The following ZNF512 variants were observed in gnomAD, a reference collection of about 807,000 sequenced individuals.
ZNF512 encodes the protein zinc finger protein 512.
A neutral mutation model predicts 77.5 loss-of-function variants in ZNF512; 25 were observed. That is an observed-to-expected ratio of 0.32 (90% CI 0.23 to 0.45). The LOEUF is 0.45. ZNF512 is among the 20% of genes least tolerant of loss of function. ZNF512 has a pLI of 1.00. For missense variants in ZNF512, 483 were observed against 692.6 expected, an observed-to-expected ratio of 0.70 and a Z score of 3.40; for synonymous variants, 246 against 239.9, an observed-to-expected ratio of 1.03 and a Z score of -0.24.
chr2:27,598,350 C>T (rs1671963586), intron 3 of ZNF512, 96 bp downstream of exon 3: 3 of 1,341,752 alleles, frequency 2.2e-6, no homozygotes, highest in South Asian at 1.4e-5. Flanking sequence ...TAAATGGCGG[C>T]TGAGCGTGGT....
chr2:27,585,933 A>G (rs532634836), intron 2 of ZNF512, among the ~76,000 whole-genome samples: 3 of 152,320 alleles, frequency 2.0e-5, no homozygotes, highest in East Asian at 3.9e-4. Context: ...TGATGGGTAG[A>G]TATTGTAAAA....
At chr2:27,591,137 A>G (rs1377609147) in intron 2 of ZNF512, among the ~76,000 whole-genome samples, 1 of 152,200 alleles carries the variant, frequency 6.6e-6, no homozygotes, top group East Asian at 1.9e-4. Context: ...CCTCAGCTCA[A>G]GGGATCCTCT....
intron 13 of ZNF512, among the ~76,000 whole-genome samples, chr2:27,619,813 A>G (rs1386055265): frequency 2.0e-5 from 3 of 152,210 alleles, no homozygotes; most frequent in Non-Finnish European, 4.4e-5. Flanking sequence ...ATAAAATTTC[A>G]GCTGTAAGTG....
At chr2:27,612,919 A>G (rs955583714) in intron 10 of ZNF512, among the ~76,000 whole-genome samples, 3 of 152,072 alleles carry the variant, frequency 2.0e-5, no homozygotes, top group African/African-American at 7.2e-5. Context: ...TAATGTAACT[A>G]TTCATTTATT....
intron 7 of ZNF512, 84 bp from the exon 8 acceptor site, chr2:27,602,379 C>A (rs1672152504): frequency 1.4e-6 from 2 of 1,380,716 alleles, no homozygotes; most frequent in Non-Finnish European, 2.0e-6. Flanking sequence ...CCAGTCCAAT[C>A]CTTGATTCTC....
chr2:27,593,195 TACACAC>T (rs57568574), intron 2 of ZNF512, among the ~76,000 whole-genome samples: 6,305 of 112,046 alleles, frequency 0.056, 210 homozygotes, highest in Non-Finnish European at 0.061. Flanking sequence ...ACCCTGTCTC[TACACAC>T]ACACACACAC....
chr2:27,587,838 G>A (rs1194445917), intron 2 of ZNF512, among the ~76,000 whole-genome samples: 3 of 151,574 alleles, frequency 2.0e-5, no homozygotes, highest in Non-Finnish European at 4.4e-5. Context: ...GTGCCGCCAC[G>A]CCTGGCTAAT....
chr2:27,609,553 C>T (rs1672518034), intron 10 of ZNF512, among the ~76,000 whole-genome samples: 2 of 151,948 alleles, frequency 1.3e-5, no homozygotes, highest in South Asian at 4.1e-4. Context: ...CATGATGAAA[C>T]CCCGTCTCTA....
chr2:27,603,267 A>C lies in ZNF512; in HGVS notation c.896A>C (p.Lys299Thr). The change falls in exon 9 of 14, where the codon AAG (lysine) becomes ACG (threonine). Residue 299 changes from lysine (K) to threonine (T), a missense_variant. Lys to Thr is a moderately conservative substitution (Grantham distance 78). This residue lies in a region of ZNF512 where 324 missense variants were observed against 525.0 expected (regional missense o/e 0.62). Coordinates refer to ENST00000355467, the MANE Select transcript of ZNF512 (RefSeq NM_032434.4). ...CACTGTGGAAAACCATATAGGTCGAAGGCTGGACTTGCATATCACCTGAGG... is the reference window on the plus strand; with the variant it reads ...CACTGTGGAAAACCATATAGGTCGACGGCTGGACTTGCATATCACCTGAGG... The part of the protein sequence containing the change: ...CHHCGKPYRS[K>T]AGLAYHLRSE... 1 of 1,614,038 alleles carries C rather than the reference A, an allele frequency of 6.2e-7. No individual in the cohort carries two copies. The highest frequency in any genetic ancestry group is 8.5e-7 in the Non-Finnish European group (1 of 1,179,964).
intron 2 of ZNF512, among the ~76,000 whole-genome samples, chr2:27,597,740 G>C (rs554204336): frequency 6.6e-6 from 1 of 152,290 alleles, no homozygotes; most frequent in South Asian, 2.1e-4. Context: ...TACAAATCCA[G>C]GGAGTCTTCT....
At chr2:27,592,667 CTTTTTTTTTTTTTTTT>C (rs139890307) in intron 2 of ZNF512, among the ~76,000 whole-genome samples, 4 of 81,564 alleles carry the variant, frequency 4.9e-5, no homozygotes, top group South Asian at 4.3e-4. Flanking sequence ...CCATGTTTAC[CTTTTTTTTTTTTTTTT>C]TTTTTTTTTT....
intron 9 of ZNF512, among the ~76,000 whole-genome samples, chr2:27,603,590 A>ATATATTTTT (rs1553352045): frequency 1.2e-5 from 1 of 85,676 alleles, no homozygotes; most frequent in African/African-American, 4.8e-5. Context: ...GTGTGTGTAT[A>ATATATTTTT]TTTTTTTTTT....
At chr2:27,620,209 A>C (rs1673057709) in intron 13 of ZNF512, among the ~76,000 whole-genome samples, 1 of 152,160 alleles carries the variant, frequency 6.6e-6, no homozygotes, top group Admixed American at 6.5e-5. Flanking sequence ...GATATTTTAC[A>C]TTTTTTTCAT....
intron 11 of ZNF512, 134 bp downstream of exon 11, chr2:27,615,403 A>G (rs530015606): frequency 2.5e-5 from 14 of 554,876 alleles, no homozygotes; most frequent in Middle Eastern, 3.9e-4. Context: ...TCACAATTCC[A>G]TAGAGCAATA....
chr2:27,589,681 G>A (rs192342811), intron 2 of ZNF512, among the ~76,000 whole-genome samples: 2 of 152,172 alleles, frequency 1.3e-5, no homozygotes, highest in Admixed American at 1.3e-4. Context: ...TCTAGTATAA[G>A]CATTTAAAGC....
At chr2:27,613,453 A>G (rs1050990934) in intron 10 of ZNF512, among the ~76,000 whole-genome samples, 2 of 151,570 alleles carry the variant, frequency 1.3e-5, no homozygotes, top group Non-Finnish European at 2.9e-5. Flanking sequence ...CCAAGATAGC[A>G]CCACTGGACT....
intron 7 of ZNF512, 89 bp downstream of exon 7, chr2:27,601,531 G>C: frequency 1.8e-6 from 2 of 1,107,338 alleles, no homozygotes; most frequent in Admixed American, 2.0e-5. Context: ...CTGGAGTGCA[G>C]TGGCACGATC....
At chr2:27,610,128 T>G (rs1338309149) in intron 10 of ZNF512, among the ~76,000 whole-genome samples, 1 of 151,176 alleles carries the variant, frequency 6.6e-6, no homozygotes, top group Non-Finnish European at 1.5e-5. Flanking sequence ...ACTTTGGGAG[T>G]CCAAGGTGGG....
intron 2 of ZNF512, among the ~76,000 whole-genome samples, chr2:27,593,245 CAAAA>C (rs1262635325): frequency 8.1e-6 from 1 of 122,726 alleles, no homozygotes; most frequent in African/African-American, 3.0e-5. Context: ...CACACACACA[CAAAA>C]GAATGAGCTG....
Sources: allele counts gnomAD v4.1 joint callset (sites outside exome capture counted in the v4.1 genomes callset), GRCh38; gene constraint gnomAD v4.1.1; regional missense constraint gnomAD v4.1.1; transcripts MANE v1.5; gene names NCBI Gene and HGNC (gene_info 2026-07-23, HGNC 2026-07-21).